BMPR1B: variants seen among roughly 807,000 people sequenced by gnomAD.
BMPR1B encodes bone morphogenetic protein receptor type 1B, also known as bone morphogenetic protein receptor type-1B.
In BMPR1B, 12 loss-of-function variants were observed where a neutral mutation model predicts 59.1. The ratio of observed to expected loss-of-function variants is 0.20; its 90% CI spans 0.13 to 0.33. The LOEUF is 0.33. Ranked by LOEUF, BMPR1B falls within the 10% of genes least tolerant of loss-of-function variation. BMPR1B has a pLI of 1.00. For synonymous variants in BMPR1B, 237 were observed against 207.3 expected, an observed-to-expected ratio of 1.14 and a Z score of -1.23; for missense variants, 550 against 610.9, an observed-to-expected ratio of 0.90 and a Z score of 1.05.
rs556060684 is a variant in BMPR1B at position 95,024,690 on chromosome 4, A to G, written c.-18+28556A>G. ...TGTTGATATATAGAAGACAGACAATAAATACAAAAACAAAGACCATTAAGC... is the reference window on the plus strand; with the variant it reads ...TGTTGATATATAGAAGACAGACAATGAATACAAAAACAAAGACCATTAAGC... On this transcript the variant is annotated intron_variant, in intron 3 of 12. Coordinates refer to ENST00000515059, the MANE Select transcript of BMPR1B (RefSeq NM_001203.3). 6.1e-4 allele frequency among the ~76,000 whole-genome samples: 93 copies of G among 152,352 alleles called. 3 individuals carry two copies. Among genetic ancestry groups the G allele is most frequent in the African/African-American group, 2.2e-3 (90 of 41,592 alleles).
chr4:94,961,740 T>C (rs17022702), intron 2 of BMPR1B, among the ~76,000 whole-genome samples: 6,490 of 152,280 alleles, frequency 0.043, 343 homozygotes, highest in African/African-American at 0.12. Context: ...CATACTCAAG[T>C]GTGCTAACAT....
Position 94,968,282 on chromosome 4 carries a change from A to T in BMPR1B, c.-112-27758A>T, listed in dbSNP as rs76553705. The stretch of plus-strand genomic sequence containing the variant: ...TGTCTTCCTCACTCTTTATGGCAAG[A>T]TCTCAGTGAGGCTGCACCTGGAGGA... On this transcript the variant is annotated intron_variant, in intron 2 of 12. Transcript: ENST00000515059. 1.1e-3 allele frequency among the ~76,000 whole-genome samples: 174 copies of T among 152,162 alleles called. 1 individual carries two copies. The East Asian group carries it at 0.016, about 14-fold the overall frequency.
chr4:95,154,476 A>ATTT, intron 12 of BMPR1B, 72 bp from the exon 13 acceptor site: 1 of 1,601,512 alleles, frequency 6.2e-7, no homozygotes, highest in Non-Finnish European at 8.5e-7. Flanking sequence ...ATGAACCTAA[A>ATTT]ACTAAAAAGC....
intron 2 of BMPR1B, among the ~76,000 whole-genome samples, chr4:94,987,956 A>G (rs979742859): frequency 4.6e-5 from 7 of 152,162 alleles, no homozygotes; most frequent in South Asian, 2.1e-4. Context: ...AGAATCATCC[A>G]GAGATTAATG....
intron 6 of BMPR1B, among the ~76,000 whole-genome samples, chr4:95,121,653 T>G (rs371739070): frequency 1.3e-5 from 2 of 152,314 alleles, no homozygotes; most frequent in East Asian, 1.9e-4. Flanking sequence ...TTTAAAATGA[T>G]GAAATGTTAA....
chr4:95,070,672 A>G (rs558783184), intron 3 of BMPR1B, among the ~76,000 whole-genome samples: 1 of 152,330 alleles, frequency 6.6e-6, no homozygotes, highest in African/African-American at 2.4e-5. Context: ...TTACAAAAAA[A>G]CAAACAAGGA....
At chr4:94,784,353 T>A (rs1323384649) in intron 1 of BMPR1B, among the ~76,000 whole-genome samples, 2 of 152,184 alleles carry the variant, frequency 1.3e-5, no homozygotes, top group Non-Finnish European at 2.9e-5. Flanking sequence ...TAGGTTTTGT[T>A]CCTTGAAAGT....
At chr4:94,955,637 C>CTTTTTT (rs148110827) in intron 2 of BMPR1B, among the ~76,000 whole-genome samples, 23 of 148,250 alleles carry the variant, frequency 1.6e-4, no homozygotes, top group African/African-American at 1.8e-4. Flanking sequence ...ACATTTAATT[C>CTTTTTT]TTTTTTTTTA....
intron 3 of BMPR1B, among the ~76,000 whole-genome samples, chr4:95,099,602 GCACACGCACA>G (rs910737787): frequency 3.7e-4 from 56 of 151,542 alleles, no homozygotes; most frequent in Middle Eastern, 3.4e-3. Context: ...TTTCACGCGC[GCACACGCACA>G]CACACGCACA....
intron 2 of BMPR1B, among the ~76,000 whole-genome samples, chr4:94,880,802 AT>A (rs781020003): frequency 2.6e-5 from 4 of 151,652 alleles, no homozygotes; most frequent in Non-Finnish European, 4.4e-5. Flanking sequence ...TGCCCAGCTA[AT>A]TTTTATATTT....
chr4:95,117,877 G>T (rs1304729139), intron 6 of BMPR1B, among the ~76,000 whole-genome samples: 1 of 152,158 alleles, frequency 6.6e-6, no homozygotes, highest in East Asian at 1.9e-4. Context: ...ATTATCTGAG[G>T]AGGATGTAGG....
At chr4:94,932,680 A>C (rs1729140378) in intron 2 of BMPR1B, among the ~76,000 whole-genome samples, 1 of 152,172 alleles carries the variant, frequency 6.6e-6, no homozygotes, top group South Asian at 2.1e-4. Context: ...AGAGCCATAA[A>C]AAAATTGGCA....
intron 3 of BMPR1B, among the ~76,000 whole-genome samples, chr4:95,086,760 G>A (rs752104255): frequency 9.2e-5 from 14 of 151,528 alleles, no homozygotes; most frequent in Non-Finnish European, 1.8e-4. Context: ...AGAATGTGTC[G>A]GTAGAGAGAT....
chr4:95,037,493 C>T (rs1332913616), intron 3 of BMPR1B, among the ~76,000 whole-genome samples: 2 of 152,118 alleles, frequency 1.3e-5, no homozygotes, highest in East Asian at 1.9e-4. Flanking sequence ...GATAGTCCCT[C>T]ATCATGAAAA....
chr4:95,140,185 T>C (rs1362487828), intron 10 of BMPR1B, among the ~76,000 whole-genome samples: 1 of 152,186 alleles, frequency 6.6e-6, no homozygotes, highest in Non-Finnish European at 1.5e-5. Flanking sequence ...TCATTCCCAA[T>C]GGAAAGTAAG....
At position 94,853,835 on chromosome 4, in the gene BMPR1B, A is replaced by G. The variant is rs184971721; in HGVS notation, c.-182-21996A>G. The stretch of plus-strand genomic sequence containing the variant: ...CATTTGGAAATTTAAAAAAAAACAA[A>G]TGAATAATTATAGAATTGCTCCAAT... On this transcript the variant is annotated intron_variant, in intron 1 of 12. Coordinates refer to ENST00000515059, the MANE Select transcript of BMPR1B (RefSeq NM_001203.3). Among the ~76,000 whole-genome samples the G allele has an allele frequency of 2.5e-3, 380 of 152,308 alleles. 7 individuals are homozygous for G. Among genetic ancestry groups the G allele is most frequent in the East Asian group, 1.2e-3 (6 of 5,184 alleles).
chr4:95,036,525 G>A (rs949371788), intron 3 of BMPR1B, among the ~76,000 whole-genome samples: 3 of 151,964 alleles, frequency 2.0e-5, no homozygotes, highest in South Asian at 2.1e-4. Flanking sequence ...TTCCAGCTAC[G>A]TTGTTGTAAA....
At chr4:95,026,156 T>TTCTTTCTTTCTTTCTC (rs1368087645) in intron 3 of BMPR1B, among the ~76,000 whole-genome samples, 1 of 151,148 alleles carries the variant, frequency 6.6e-6, no homozygotes, top group Admixed American at 6.6e-5. Flanking sequence ...CTTTCTTTCT[T>TTCTTTCTTTCTTTCTC]TCTTTCTCTT....
intron 1 of BMPR1B, among the ~76,000 whole-genome samples, chr4:94,830,959 C>A (rs780554685): frequency 4.6e-5 from 7 of 152,082 alleles, no homozygotes; most frequent in Non-Finnish European, 1.0e-4. Flanking sequence ...TGTATTGATT[C>A]CACTTTTTGT....
Sources: allele counts gnomAD v4.1 joint callset (sites outside exome capture counted in the v4.1 genomes callset), GRCh38; gene constraint gnomAD v4.1.1; transcripts MANE v1.5; gene names NCBI Gene and HGNC (gene_info 2026-07-23, HGNC 2026-07-21).